Variants in NAALADL2 observed in about 807,000 individuals in gnomAD.
NAALADL2 encodes the protein inactive N-acetylated-alpha-linked acidic dipeptidase-like protein 2.
NAALADL2 carries 76 observed loss-of-function variants against 87.2 expected under a neutral mutation model. The observed-to-expected ratio is 0.87, with a 90% CI of 0.72 to 1.05. NAALADL2 has a LOEUF of 1.05. Among genes scored for constraint, NAALADL2 ranks in the 50% least tolerant of loss-of-function variants. NAALADL2 has a pLI of 0.00. For missense variants in NAALADL2, 1,089 were observed against 945.8 expected, an observed-to-expected ratio of 1.15 and a Z score of -1.99; for synonymous variants, 354 against 331.0, an observed-to-expected ratio of 1.07 and a Z score of -0.75.
intron 1 of NAALADL2, among the ~76,000 whole-genome samples, chr3:175,063,107 A>C (rs1713854718): frequency 6.6e-6 from 1 of 152,126 alleles, no homozygotes; most frequent in Non-Finnish European, 1.5e-5. Context: ...TACAGTTTTG[A>C]GAAAGTCAAC....
intron 3 of NAALADL2, among the ~76,000 whole-genome samples, chr3:174,814,308 C>T (rs1410611600): frequency 6.6e-6 from 1 of 151,936 alleles, no homozygotes; most frequent in Admixed American, 6.6e-5. Flanking sequence ...AGGGTTTCAC[C>T]TTGTTAGCCA....
chr3:174,852,634 CT>C (rs1725379958), intron 3 of NAALADL2, among the ~76,000 whole-genome samples: 1 of 152,080 alleles, frequency 6.6e-6, no homozygotes, highest in South Asian at 2.1e-4. Context: ...AATGTCTATA[CT>C]ACCCAAAGCA....
chr3:175,555,849 T>TCA (rs1230450782), intron 9 of NAALADL2, among the ~76,000 whole-genome samples: 1 of 152,208 alleles, frequency 6.6e-6, no homozygotes, highest in African/African-American at 2.4e-5. Flanking sequence ...GGCTTATGGT[T>TCA]TCTAGGCACT....
At chr3:174,445,331 C>A (rs569671828) in intron 1 of NAALADL2, among the ~76,000 whole-genome samples, 5 of 152,112 alleles carry the variant, frequency 3.3e-5, no homozygotes, top group African/African-American at 7.2e-5. Context: ...TTCAGGAGTA[C>A]GTCTCATTAG....
intron 11 of NAALADL2, among the ~76,000 whole-genome samples, chr3:175,692,255 C>T (rs1231000487): frequency 6.6e-6 from 1 of 151,976 alleles, no homozygotes; most frequent in Non-Finnish European, 1.5e-5. Context: ...TTAATTAATT[C>T]ATAATTATTC....
intron 2 of NAALADL2, among the ~76,000 whole-genome samples, chr3:174,626,331 A>G (rs561808653): frequency 6.6e-6 from 1 of 152,154 alleles, no homozygotes; most frequent in South Asian, 2.1e-4. Flanking sequence ...ATCTTTATCA[A>G]CCTGATAGGA....
intron 5 of NAALADL2, among the ~76,000 whole-genome samples, chr3:175,326,608 C>T (rs945553743): frequency 1.4e-4 from 21 of 152,212 alleles, no homozygotes; most frequent in East Asian, 3.9e-4. Context: ...TTATAAAGAG[C>T]GGAGATTTGT....
intron 4 of NAALADL2, among the ~76,000 whole-genome samples, chr3:175,315,802 T>A (rs2110347090): frequency 6.6e-6 from 1 of 152,290 alleles, no homozygotes; most frequent in African/African-American, 2.4e-5. Flanking sequence ...TAAAAGAAGT[T>A]TAATACAAAA....
intron 5 of NAALADL2, among the ~76,000 whole-genome samples, chr3:175,411,415 TG>T (rs1290032047): frequency 6.6e-6 from 1 of 152,106 alleles, no homozygotes; most frequent in Non-Finnish European, 1.5e-5. Context: ...GAGTGCGGAC[TG>T]GGGGTAAAAA....
At chr3:174,871,699 G>C (rs1727841379) in intron 1 of NAALADL2, among the ~76,000 whole-genome samples, 1 of 152,136 alleles carries the variant, frequency 6.6e-6, no homozygotes, top group African/African-American at 2.4e-5. Flanking sequence ...AGAAGTTCAA[G>C]GCCAGCCTGG....
chr3:174,519,392 G>C (rs1162956773), intron 1 of NAALADL2, among the ~76,000 whole-genome samples: 1 of 147,980 alleles, frequency 6.8e-6, no homozygotes, highest in East Asian at 2.0e-4. Flanking sequence ...GCAGTGGTGT[G>C]ATCTTGGCTC....
At chr3:175,644,703 T>C (rs913874627) in intron 11 of NAALADL2, among the ~76,000 whole-genome samples, 18 of 152,058 alleles carry the variant, frequency 1.2e-4, no homozygotes, top group African/African-American at 4.1e-4. Context: ...TTTAAAAATA[T>C]CTTGAGTATT....
At chr3:175,657,623 C>A (rs1731655371) in intron 11 of NAALADL2, among the ~76,000 whole-genome samples, 1 of 151,548 alleles carries the variant, frequency 6.6e-6, no homozygotes, top group Non-Finnish European at 1.5e-5. Flanking sequence ...CTCTGTCCCC[C>A]AGGCTGGAGT....
chr3:175,008,028 G>T (rs144380493), intron 1 of NAALADL2, among the ~76,000 whole-genome samples: 1 of 152,192 alleles, frequency 6.6e-6, no homozygotes, highest in East Asian at 1.9e-4. Context: ...GGTAGGATTG[G>T]ACAGGATGGC....
chr3:174,918,316 TG>T (rs1364538829), intron 1 of NAALADL2, among the ~76,000 whole-genome samples: 3 of 152,208 alleles, frequency 2.0e-5, no homozygotes, highest in African/African-American at 7.2e-5. Flanking sequence ...AGTGTATCAG[TG>T]GGATATTAGC....
intron 2 of NAALADL2, among the ~76,000 whole-genome samples, chr3:175,228,074 T>C (rs1744414955): frequency 6.6e-6 from 1 of 151,956 alleles, no homozygotes; most frequent in Non-Finnish European, 1.5e-5. Flanking sequence ...TGTTATCATC[T>C]TTTAGTATGC....
At chr3:175,049,368 G>T (rs531912310) in intron 1 of NAALADL2, among the ~76,000 whole-genome samples, 1 of 152,038 alleles carries the variant, frequency 6.6e-6, no homozygotes, top group Non-Finnish European at 1.5e-5. Flanking sequence ...CATTTGACCC[G>T]ACTGTAGGTA....
At chr3:174,593,623 A>G (rs1289564410) in intron 2 of NAALADL2, among the ~76,000 whole-genome samples, 1 of 152,192 alleles carries the variant, frequency 6.6e-6, no homozygotes, top group African/African-American at 2.4e-5. Context: ...TGTAAGTTAA[A>G]ATGACCACAT....
At chr3:175,650,649 A>G (rs145508810) in intron 11 of NAALADL2, among the ~76,000 whole-genome samples, 2 of 152,278 alleles carry the variant, frequency 1.3e-5, no homozygotes, top group East Asian at 3.9e-4. Context: ...TTTCTGGAAC[A>G]AATTTCATTG....
Sources: gnomAD v4.1 joint callset for allele counts (sites outside exome capture counted in the v4.1 genomes callset) on GRCh38, gnomAD v4.1.1 for gene constraint, MANE v1.5 for transcripts, NCBI Gene and HGNC (gene_info 2026-07-23, HGNC 2026-07-21) for gene names.